The following DLGAP1 variants were observed in gnomAD, a reference collection of about 807,000 sequenced individuals.
The protein encoded by DLGAP1 is disks large-associated protein 1.
A neutral mutation model predicts 90.8 loss-of-function variants in DLGAP1; 11 were observed. That is an observed-to-expected ratio of 0.12 (90% CI 0.08 to 0.20). DLGAP1 has a LOEUF of 0.20. Among genes scored for constraint, DLGAP1 ranks in the 10% least tolerant of loss-of-function variants. DLGAP1 has a pLI of 1.00. For missense variants in DLGAP1, 1,050 were observed against 1,333.8 expected (o/e 0.79, Z 3.31); for synonymous variants, 558 against 540.7 (o/e 1.03, Z -0.44).
intron 2 of DLGAP1, among the ~76,000 whole-genome samples, chr18:4,030,899 G>C (rs2074785431): frequency 6.6e-6 from 1 of 152,136 alleles, no homozygotes; most frequent in Non-Finnish European, 1.5e-5. Context: ...CTCCAGCCTG[G>C]GTGACAGAGT....
At chr18:4,386,882 G>T (rs1157641464) in intron 1 of DLGAP1, among the ~76,000 whole-genome samples, 1 of 152,130 alleles carries the variant, frequency 6.6e-6, no homozygotes, top group Non-Finnish European at 1.5e-5. Flanking sequence ...AGATAGGAGA[G>T]CATCAGGTTG....
intron 5 of DLGAP1, among the ~76,000 whole-genome samples, chr18:3,773,253 A>G (rs2064778439): frequency 2.0e-5 from 3 of 152,192 alleles, no homozygotes; most frequent in Admixed American, 2.0e-4. Context: ...TGACACACAC[A>G]TAAACTCTGT....
At chr18:3,999,148 T>C (rs930255378) in intron 3 of DLGAP1, among the ~76,000 whole-genome samples, 4 of 152,212 alleles carry the variant, frequency 2.6e-5, no homozygotes, top group African/African-American at 9.6e-5. Context: ...GATTTATATG[T>C]CCATTAGTAT....
intron 2 of DLGAP1, among the ~76,000 whole-genome samples, chr18:4,059,455 C>T (rs1438309965): frequency 3.3e-5 from 5 of 152,138 alleles, no homozygotes; most frequent in Admixed American, 2.0e-4. Context: ...CATGAGCCGC[C>T]GCACCTGGCA....
intron 1 of DLGAP1, among the ~76,000 whole-genome samples, chr18:4,282,299 G>T (rs1291999027): frequency 1.3e-5 from 2 of 150,904 alleles, no homozygotes; most frequent in Non-Finnish European, 2.9e-5. Flanking sequence ...GGGAGGCGGA[G>T]CTTGCAGTGA....
intron 1 of DLGAP1, among the ~76,000 whole-genome samples, chr18:4,291,776 T>C (rs912608187): frequency 6.6e-6 from 1 of 152,168 alleles, no homozygotes; most frequent in African/African-American, 2.4e-5. Flanking sequence ...GCCAATCCTA[T>C]ACACACTTAT....
chr18:3,734,136 C>T (rs1285647755), intron 6 of DLGAP1, among the ~76,000 whole-genome samples: 3 of 152,022 alleles, frequency 2.0e-5, no homozygotes, highest in African/African-American at 7.3e-5. Flanking sequence ...TTGTTCTGTT[C>T]CTTTGATTTT....
intron 6 of DLGAP1, among the ~76,000 whole-genome samples, chr18:3,740,465 C>G (rs2062850612): frequency 6.6e-6 from 1 of 152,134 alleles, no homozygotes. Flanking sequence ...TCCCACATGA[C>G]AGCTTTCCCT....
intron 4 of DLGAP1, among the ~76,000 whole-genome samples, chr18:3,869,377 C>T (rs371106405): frequency 9.9e-5 from 15 of 152,252 alleles, no homozygotes; most frequent in African/African-American, 3.4e-4. Context: ...TCCTAGGCAA[C>T]ATAGCGAAAC....
chr18:4,108,492 G>C (rs192380488), intron 2 of DLGAP1, among the ~76,000 whole-genome samples: 8 of 151,672 alleles, frequency 5.3e-5, no homozygotes, highest in African/African-American at 1.9e-4. Flanking sequence ...CCTGTAATTG[G>C]ATGAGGAAAA....
chr18:4,367,504 A>G (rs2081802920), intron 1 of DLGAP1, among the ~76,000 whole-genome samples: 1 of 152,274 alleles, frequency 6.6e-6, no homozygotes, highest in African/African-American at 2.4e-5. Flanking sequence ...TTACTCCTTA[A>G]AAATTAGCAG....
intron 7 of DLGAP1, among the ~76,000 whole-genome samples, chr18:3,708,900 C>G (rs1598417370): frequency 6.6e-6 from 1 of 152,270 alleles, no homozygotes; most frequent in African/African-American, 2.4e-5. Flanking sequence ...TCTTTAAAAA[C>G]AGATTTTTCA....
In DLGAP1 at chr18:3,781,144, A is replaced by G. The variant is rs559412337; in HGVS notation, c.1172+32915T>C. ...TGCCTGGCCCAATGTTTATTTTTAA[A>G]TATGTGATTGTTAAAGGTGTGAGAT... On this transcript the variant is annotated intron_variant, in intron 5 of 12. Coordinates refer to ENST00000315677, the MANE Select transcript of DLGAP1 (RefSeq NM_004746.4). Among the ~76,000 whole-genome samples, 22 of 152,110 alleles carry G rather than the reference A, an allele frequency of 1.4e-4. No homozygotes were observed. The South Asian group carries it at 1.7e-3, about 11-fold the overall frequency.
intron 1 of DLGAP1, among the ~76,000 whole-genome samples, chr18:4,391,747 G>C (rs760925604): frequency 1.3e-5 from 2 of 152,108 alleles, no homozygotes; most frequent in African/African-American, 4.8e-5. Flanking sequence ...GTTAAGGTAT[G>C]CTCCCAGAAA....
At chr18:4,433,754 T>C (rs539585102) in intron 1 of DLGAP1, among the ~76,000 whole-genome samples, 1 of 152,208 alleles carries the variant, frequency 6.6e-6, no homozygotes, top group Non-Finnish European at 1.5e-5. Flanking sequence ...GCATAAGACC[T>C]ATGCAAATAT....
At position 3,526,065 on chromosome 18, in the gene DLGAP1, T is replaced by C. The variant is rs748629393; in HGVS notation, c.2479+8129A>G. ...TTACTGCCACTTCCTCTGCGGTCAC[T>C]AATTTCAGGTTGTCTGGAGCTTACA... On this transcript the variant is annotated intron_variant, in intron 10 of 12. Transcript: ENST00000315677. The surrounding 1 kb of genome is among the most constrained non-coding windows in gnomAD (Gnocchi z 4.7). Among the ~76,000 whole-genome samples, 2 of 152,214 alleles carry C rather than the reference T, an allele frequency of 1.3e-5. No individual in the cohort carries two copies. Among genetic ancestry groups the C allele is most frequent in the Non-Finnish European group, 2.9e-5 (2 of 68,028 alleles).
At chr18:3,822,754 C>T (rs1407074139) in intron 4 of DLGAP1, among the ~76,000 whole-genome samples, 2 of 152,132 alleles carry the variant, frequency 1.3e-5, no homozygotes, top group African/African-American at 4.8e-5. Context: ...GAGCCATGGG[C>T]CTTTGGGGAC....
intron 7 of DLGAP1, among the ~76,000 whole-genome samples, chr18:3,726,458 A>T (rs932653400): frequency 7.9e-5 from 12 of 151,022 alleles, no homozygotes; most frequent in Admixed American, 2.6e-4. Flanking sequence ...TGTGTGTGAG[A>T]GAGAGAGAGA....
At chr18:4,259,339 A>G (rs1208588080) in intron 1 of DLGAP1, among the ~76,000 whole-genome samples, 1 of 152,218 alleles carries the variant, frequency 6.6e-6, no homozygotes, top group East Asian at 1.9e-4. Flanking sequence ...CACTGTTTTC[A>G]TTTGAAATAA....
Sources: allele counts gnomAD v4.1 joint callset (sites outside exome capture counted in the v4.1 genomes callset), GRCh38; gene constraint gnomAD v4.1.1; non-coding constraint Gnocchi (gnomAD v3.1); transcripts MANE v1.5; gene names NCBI Gene and HGNC (gene_info 2026-07-23, HGNC 2026-07-21).